Variants in WWOX observed in about 807,000 individuals in gnomAD.
WWOX encodes the protein WW domain-containing oxidoreductase.
In WWOX, 69 loss-of-function variants were observed where a neutral mutation model predicts 46.2. The ratio of observed to expected loss-of-function variants is 1.49; its 90% CI spans 1.23 to 1.82. The LOEUF (loss-of-function observed/expected upper bound fraction) is 1.82. Among genes scored for constraint, WWOX ranks in the 40% most tolerant of loss-of-function variants. WWOX has a pLI of 0.00. For synonymous variants in WWOX, 359 were observed against 202.6 expected (o/e 1.77, Z -6.56); for missense variants, 919 against 542.6 (o/e 1.69, Z -6.89).
At chr16:78,787,137 G>C (rs550755262) in intron 8 of WWOX, among the ~76,000 whole-genome samples, 1 of 152,288 alleles carries the variant, frequency 6.6e-6, no homozygotes, top group South Asian at 2.1e-4. Flanking sequence ...GACAGAGTGA[G>C]ACTGTGTCTC....
At chr16:79,011,161 A>ACACAC (rs940393522) in intron 8 of WWOX, among the ~76,000 whole-genome samples, 11 of 140,866 alleles carry the variant, frequency 7.8e-5, no homozygotes, top group Admixed American at 4.7e-4. Context: ...ACACACACAC[A>ACACAC]CACACACACA....
At chr16:79,068,054 G>A (rs986914204) in intron 8 of WWOX, among the ~76,000 whole-genome samples, 29 of 151,802 alleles carry the variant, frequency 1.9e-4, no homozygotes, top group Non-Finnish European at 7.4e-5. Flanking sequence ...AGTCTTTGGG[G>A]CTATTAGCTG....
At chr16:78,679,695 G>C (rs2047685124) in intron 8 of WWOX, among the ~76,000 whole-genome samples, 1 of 152,200 alleles carries the variant, frequency 6.6e-6, no homozygotes, top group Non-Finnish European at 1.5e-5. Flanking sequence ...TAAATCATTT[G>C]TGACAGAAGC....
rs899687374 is a variant in WWOX at position 78,948,346 on chromosome 16, C to A, written c.1057-263262C>A. ...GTCTCCCTTTTAGAAGTTTCCAGAG[C>A]GTCTTCCTGATGTTGCATAGAGCAC... On this transcript the variant is annotated intron_variant, in intron 8 of 8. Coordinates refer to ENST00000566780, the MANE Select transcript of WWOX (RefSeq NM_016373.4). Among the ~76,000 whole-genome samples the A allele has an allele frequency of 2.0e-5, 3 of 152,276 alleles. No individual in the cohort carries two copies. The East Asian group carries it at 5.8e-4, about 29-fold the overall frequency.
chr16:78,919,339 T>C (rs969057351), intron 8 of WWOX, among the ~76,000 whole-genome samples: 22 of 151,864 alleles, frequency 1.4e-4, no homozygotes, highest in African/African-American at 4.1e-4. Context: ...AGAGGGCAAG[T>C]GGTAGATTCT....
At chr16:78,950,927 T>C (rs2046046953) in intron 8 of WWOX, among the ~76,000 whole-genome samples, 1 of 152,152 alleles carries the variant, frequency 6.6e-6, no homozygotes, top group South Asian at 2.1e-4. Context: ...ATTGTCCAGA[T>C]TTTCAGTCTT....
At chr16:78,673,468 C>G (rs918469697) in intron 8 of WWOX, among the ~76,000 whole-genome samples, 2 of 152,070 alleles carry the variant, frequency 1.3e-5, no homozygotes, top group Admixed American at 1.3e-4. Context: ...AACACGAAAC[C>G]CCTCTAAAAC....
intron 8 of WWOX, among the ~76,000 whole-genome samples, chr16:78,585,067 G>C (rs1185121420): frequency 1.3e-5 from 2 of 152,218 alleles, no homozygotes; most frequent in African/African-American, 4.8e-5. Context: ...TTCAAAGGCA[G>C]TTACGGATCT....
At chr16:78,541,634 G>A (rs950982745) in intron 8 of WWOX, among the ~76,000 whole-genome samples, 7 of 151,980 alleles carry the variant, frequency 4.6e-5, no homozygotes, top group Admixed American at 4.6e-4. Flanking sequence ...ACAGACCTGG[G>A]ATCAAATCCC....
intron 8 of WWOX, among the ~76,000 whole-genome samples, chr16:78,567,658 C>T (rs139398103): frequency 8.1e-4 from 122 of 151,490 alleles, no homozygotes; most frequent in African/African-American, 2.9e-3. Flanking sequence ...CCCTTTGCTG[C>T]GTAACTAGGG....
At chr16:78,631,619 G>A (rs1182143865) in intron 8 of WWOX, among the ~76,000 whole-genome samples, 1 of 150,222 alleles carries the variant, frequency 6.7e-6, no homozygotes, top group Non-Finnish European at 1.5e-5. Flanking sequence ...GCTCACTGCA[G>A]CTTCCTCCTC....
At chr16:79,148,086 C>T (rs1481885752) in intron 8 of WWOX, among the ~76,000 whole-genome samples, 1 of 152,090 alleles carries the variant, frequency 6.6e-6, no homozygotes, top group South Asian at 2.1e-4. Flanking sequence ...TAATGAGGTC[C>T]AATTTATCAA....
At chr16:78,670,524 G>A (rs985214779) in intron 8 of WWOX, among the ~76,000 whole-genome samples, 2 of 152,060 alleles carry the variant, frequency 1.3e-5, no homozygotes, top group Non-Finnish European at 2.9e-5. Context: ...TGGGATAAAT[G>A]GCTAGGTACA....
intron 8 of WWOX, among the ~76,000 whole-genome samples, chr16:78,769,464 C>A (rs1044224988): frequency 2.0e-5 from 3 of 152,146 alleles, no homozygotes; most frequent in African/African-American, 4.8e-5. Flanking sequence ...TCCTTGCTTG[C>A]ATTCTGTGAC....
At chr16:78,377,617 C>G (rs1052305814) in intron 5 of WWOX, among the ~76,000 whole-genome samples, 1 of 152,152 alleles carries the variant, frequency 6.6e-6, no homozygotes, top group African/African-American at 2.4e-5. Flanking sequence ...CATTCACTGT[C>G]CTTCCTTAAA....
intron 8 of WWOX, among the ~76,000 whole-genome samples, chr16:78,666,476 T>C (rs2047335781): frequency 6.6e-6 from 1 of 152,202 alleles, no homozygotes; most frequent in Admixed American, 6.5e-5. Context: ...AGTTTGAATA[T>C]TGTAATTTGC....
intron 8 of WWOX, among the ~76,000 whole-genome samples, chr16:78,874,200 G>A (rs1482308146): frequency 6.6e-6 from 1 of 150,842 alleles, no homozygotes; most frequent in African/African-American, 2.4e-5. Flanking sequence ...AGGTTGCAGT[G>A]AGCTGAGATG....
At chr16:79,000,268 C>G (rs561282917) in intron 8 of WWOX, among the ~76,000 whole-genome samples, 4 of 152,296 alleles carry the variant, frequency 2.6e-5, no homozygotes, top group African/African-American at 9.6e-5. Flanking sequence ...TCCTTTAGAT[C>G]CCATCTCTGG....
chr16:79,138,145 G>C (rs2050019257), intron 8 of WWOX, among the ~76,000 whole-genome samples: 1 of 152,168 alleles, frequency 6.6e-6, no homozygotes, highest in African/African-American at 2.4e-5. Flanking sequence ...AATACTGCGT[G>C]TGCCTTCAAA....
Sources: allele counts gnomAD v4.1 joint callset (sites outside exome capture counted in the v4.1 genomes callset), GRCh38; gene constraint gnomAD v4.1.1; transcripts MANE v1.5; gene names NCBI Gene and HGNC (gene_info 2026-07-23, HGNC 2026-07-21).